MEAK7: variants seen among roughly 807,000 people sequenced by gnomAD.
The protein encoded by MEAK7 is MTOR-associated protein MEAK7.
MEAK7 carries 68 observed loss-of-function variants against 40.5 expected under a neutral mutation model. That is an observed-to-expected ratio of 1.68 (90% confidence interval 1.38 to 2.06). The LOEUF is 2.06. Ranked by LOEUF, MEAK7 falls within the 30% of genes most tolerant of loss-of-function variation. The probability of loss-of-function intolerance (pLI) is 0.00; values close to 1 mark genes in which losing one functional copy is unlikely to be tolerated. For missense variants in MEAK7, 918 were observed against 580.5 expected (o/e 1.58, Z -5.98); for synonymous variants, 338 against 231.9 (o/e 1.46, Z -4.16).
intron 1 of MEAK7, among the ~76,000 whole-genome samples, chr16:84,502,269 T>C (rs1914565393): frequency 1.3e-5 from 2 of 152,084 alleles, no homozygotes; most frequent in South Asian, 4.2e-4. Flanking sequence ...ACTGGAAAAG[T>C]GTGTGGTTGC....
intron 1 of MEAK7, among the ~76,000 whole-genome samples, chr16:84,498,696 A>T (rs454087): frequency 0.47 from 71,991 of 152,086 alleles, 18,661 homozygotes; most frequent in South Asian, 0.65. Context: ...GTTTGAGAAC[A>T]TAGTGCCCAA....
Position 84,479,901 on chromosome 16 carries a change from T to C in MEAK7, c.*12A>G. On this transcript the variant is annotated 3_prime_UTR_variant, in exon 8 of 8. Coordinates refer to ENST00000343629, the MANE Select transcript of MEAK7 (RefSeq NM_020947.4). The stretch of plus-strand genomic sequence containing the variant: ...ATCCAGGTCCTGGCTCCAGGAAGGC[T>C]CAGGCGGCTCCTCATTCATCGTCCG... 1 of 1,581,634 alleles carries C rather than the reference T, an allele frequency of 6.3e-7. No individual in the cohort carries two copies.
intron 5 of MEAK7, among the ~76,000 whole-genome samples, chr16:84,482,959 G>A (rs1912709354): frequency 6.6e-6 from 1 of 152,188 alleles, no homozygotes. Context: ...GGGGAGCAGA[G>A]ATCAGAACTC....
Position 84,486,734 on chromosome 16 carries a change from G to A in MEAK7, c.855C>T (p.His285=). Residue 285 remains histidine (H), a synonymous_variant, in exon 5 of 8, where the codon CAC becomes CAT. Transcript: ENST00000343629. Reference sequence around the variant, plus strand: ...CCACACAGGGTCCCCGGTGAGTGATGTGGCCACAGAGCTGGGAGAAGCTGT... The same window carrying A: ...CCACACAGGGTCCCCGGTGAGTGATATGGCCACAGAGCTGGGAGAAGCTGT... ...HGHSFSQLCG[H]ITHRGPCVAV... is the part of the protein sequence containing the mutation. 1 of 1,614,024 alleles carries A rather than the reference G, an allele frequency of 6.2e-7. No homozygotes were observed. The highest frequency in any genetic ancestry group is 8.5e-7 in the Non-Finnish European group (1 of 1,179,888).
chr16:84,501,139 G>T (rs1350655694), intron 1 of MEAK7, among the ~76,000 whole-genome samples: 1 of 145,356 alleles, frequency 6.9e-6, no homozygotes, highest in Non-Finnish European at 1.5e-5. Context: ...GGGAAACAGA[G>T]ACAAGGGCAT....
chr16:84,482,615 G>T lies in MEAK7; in HGVS notation c.1054C>A (p.Gln352Lys), dbSNP rs745666656. The change falls in exon 6 of 8, where the codon CAG becomes AAG. Residue 352 changes from glutamine to lysine, a missense_variant. Physicochemically the swap from Gln to Lys is moderately conservative, Grantham distance 53. Transcript: ENST00000343629. ...ACCAGTCCGTTCGGGATCGTCTGCT[G>T]TCCATGGTTCAAGTACATGTAGTGG... The part of the protein sequence containing the change: ...NDHYMYLNHG[Q>K]QTIPNGLGMG... 6.2e-7 allele frequency: 1 copy of T among 1,614,120 alleles called. No homozygotes were observed. Among genetic ancestry groups the T allele is most frequent in the African/African-American group, 1.3e-5 (1 of 74,944 alleles).
At chr16:84,486,550 A>T in intron 5 of MEAK7, 81 bp downstream of exon 5, 1 of 1,505,906 alleles carries the variant, frequency 6.6e-7, no homozygotes, top group African/African-American at 1.4e-5. Context: ...AGCCCTATTT[A>T]GCACCCCCAC....
intron 3 of MEAK7, among the ~76,000 whole-genome samples, chr16:84,492,861 C>T (rs567525047): frequency 3.1e-4 from 47 of 152,280 alleles, no homozygotes; most frequent in Non-Finnish European, 5.0e-4. Flanking sequence ...GCATTACAGG[C>T]GTCAGCCACT....
chr16:84,480,598 C>T lies in MEAK7; in HGVS notation c.1188G>A (p.Ser396=), dbSNP rs765221883. ...TCTTYNSPQL[S]AQENFQFDKM... is the part of the protein sequence containing the mutation. The stretch of plus-strand genomic sequence containing the variant: ...TATCAAACTGGAAGTTCTCCTGAGC[C>T]GACAGCTGCGGGCTGTTGTACGTGG... Residue 396 remains serine (S), a synonymous_variant, in exon 7 of 8, where the codon TCG becomes TCA. Transcript: ENST00000343629. 21 of 1,613,952 alleles carry T rather than the reference C, an allele frequency of 1.3e-5. No homozygotes were observed. Among genetic ancestry groups the T allele is most frequent in the Middle Eastern group, 3.3e-4 (2 of 6,076 alleles).
Position 84,499,584 on chromosome 16 carries a change from A to T in MEAK7, c.-25-1473T>A, listed in dbSNP as rs574287158. 1.4e-4 allele frequency among the ~76,000 whole-genome samples: 22 copies of T among 152,290 alleles called. No individual in the cohort carries two copies. The South Asian group carries it at 4.6e-3, about 32-fold the overall frequency. On this transcript the variant is annotated intron_variant, in intron 1 of 7. Coordinates refer to ENST00000343629, the MANE Select transcript of MEAK7 (RefSeq NM_020947.4). ...TACAGTGGCATTTAGGACCTTCACA[A>T]TACGGTGCAACCCTCACAGATCCAA... is the stretch of plus-strand genomic sequence containing the variant.
Position 84,489,425 on chromosome 16 carries a change from G to GT in MEAK7, c.385-4dup. 3 of 1,604,474 alleles carry GT rather than the reference G, an allele frequency of 1.9e-6. No homozygotes were observed. The highest frequency in any genetic ancestry group is 2.6e-6 in the Non-Finnish European group (3 of 1,174,532). On this transcript the variant is annotated splice_polypyrimidine_tract_variant and splice_region_variant and intron_variant, in intron 3 of 7. Coordinates refer to ENST00000343629, the MANE Select transcript of MEAK7 (RefSeq NM_020947.4). ...GAGCCAACCAGATCCTCTGTAAACT[G>GT]TAAGATCACAATTTTACCATTAAAA...
In MEAK7 at chr16:84,495,936, T is replaced by C. The variant is rs539092976; in HGVS notation, c.154-23A>G. 2.7e-5 allele frequency: 43 copies of C among 1,612,272 alleles called. No individual in the cohort carries two copies. The South Asian group carries it at 4.0e-4, about 15-fold the overall frequency. The stretch of plus-strand genomic sequence containing the variant: ...GTTCTGCCGGGGACAAGCAGAAAAA[T>C]ATGGTTAGACAGTGCACAAGTTGAA... On this transcript the variant is annotated intron_variant, in intron 2 of 7. Transcript: ENST00000343629.
chr16:84,493,526 G>C (rs2150640290), intron 3 of MEAK7, among the ~76,000 whole-genome samples: 1 of 152,248 alleles, frequency 6.6e-6, no homozygotes, highest in East Asian at 1.9e-4. Flanking sequence ...TACAACATTA[G>C]CTGTTTTTTT....
intron 1 of MEAK7, among the ~76,000 whole-genome samples, chr16:84,499,729 G>C (rs1222794007): frequency 6.6e-6 from 1 of 151,958 alleles, no homozygotes; most frequent in Non-Finnish European, 1.5e-5. Context: ...CTGTATTCTG[G>C]GCATTTCATA....
chr16:84,502,267 A>C (rs990338262), intron 1 of MEAK7, among the ~76,000 whole-genome samples: 5 of 152,264 alleles, frequency 3.3e-5, no homozygotes, highest in African/African-American at 1.2e-4. Context: ...TGACTGGAAA[A>C]GTGTGTGGTT....
Position 84,497,309 on chromosome 16 carries a change from A to G in MEAK7, c.153+625T>C. 4.5e-6 allele frequency: 4 copies of G among 886,966 alleles called. 1 individual carries two copies. The highest frequency in any genetic ancestry group is 3.3e-5 in the South Asian group (2 of 59,718). 54.9% of individuals were successfully genotyped at this position (886,966 alleles called of 1,614,324 possible). On this transcript the variant is annotated intron_variant, in intron 2 of 7. Transcript: ENST00000343629. The stretch of plus-strand genomic sequence containing the variant: ...CAGCTGAGAGCCCCATGGAACGGGG[A>G]AAAACATGGGCAAATGGGCAGTTTT...
intron 4 of MEAK7, 141 bp downstream of exon 4, chr16:84,489,137 C>T (rs1197032898): frequency 3.6e-6 from 4 of 1,125,394 alleles, no homozygotes; most frequent in Non-Finnish European, 4.8e-6. Flanking sequence ...TAAAATATGC[C>T]AACAAACTAG....
rs1913169467 is a variant in MEAK7 at position 84,487,231 on chromosome 16, T to C, written c.530-172A>G. The C allele has an allele frequency of 5.5e-6, 3 of 544,696 alleles. No homozygotes were observed. In the East Asian group the frequency reaches 8.9e-5, roughly 16 times the overall value. 33.7% of individuals were successfully genotyped at this position (544,696 alleles called of 1,614,324 possible). The stretch of plus-strand genomic sequence containing the variant: ...GTCAGTGTAAAAGGCACACTTGATT[T>C]CAAAGATTTGGTATGAAAAAAGAAT... On this transcript the variant is annotated intron_variant, in intron 4 of 7. Transcript: ENST00000343629.
intron 4 of MEAK7, 65 bp from the exon 5 acceptor site, chr16:84,487,124 C>A: frequency 6.7e-7 from 1 of 1,498,774 alleles, no homozygotes; most frequent in Non-Finnish European, 9.0e-7. Context: ...CTATCTAAAC[C>A]CACACTGATC....
Sources: allele counts gnomAD v4.1 joint callset (sites outside exome capture counted in the v4.1 genomes callset), GRCh38; gene constraint gnomAD v4.1.1; transcripts MANE v1.5; gene names NCBI Gene and HGNC (gene_info 2026-07-23, HGNC 2026-07-21).